The following PRMT3 variants were observed in gnomAD, a reference collection of about 807,000 sequenced individuals.
PRMT3 encodes protein arginine methyltransferase 3, also known as protein arginine N-methyltransferase 3.
A neutral mutation model predicts 71.9 loss-of-function variants in PRMT3; 62 were observed. That is an observed-to-expected ratio of 0.86 (90% CI 0.70 to 1.07). The LOEUF (loss-of-function observed/expected upper bound fraction) is 1.07. Among genes scored for constraint, PRMT3 ranks in the 50% least tolerant of loss-of-function variants. The probability of loss-of-function intolerance (pLI) is 0.00; values close to 1 mark genes in which losing one functional copy is unlikely to be tolerated. For synonymous variants in PRMT3, 213 were observed against 220.4 expected (o/e 0.97, Z 0.30); for missense variants, 663 against 643.0 (o/e 1.03, Z -0.34).
At chr11:20,417,333 A>G (rs944644995) in intron 9 of PRMT3, among the ~76,000 whole-genome samples, 4 of 152,192 alleles carry the variant, frequency 2.6e-5, no homozygotes, top group African/African-American at 9.6e-5. Flanking sequence ...TGAATAGTAT[A>G]TATTGTATCT....
chr11:20,464,660 G>C, intron 13 of PRMT3, 114 bp downstream of exon 13: 1 of 1,470,228 alleles, frequency 6.8e-7, no homozygotes, highest in Non-Finnish European at 9.0e-7. Context: ...GCCTCTGACA[G>C]TCTACCATTG....
intron 13 of PRMT3, among the ~76,000 whole-genome samples, chr11:20,484,040 C>T (rs1487999270): frequency 2.0e-5 from 3 of 152,304 alleles, no homozygotes; most frequent in African/African-American, 7.2e-5. Context: ...TATCATTTAA[C>T]AAATAGTTTA....
intron 7 of PRMT3, among the ~76,000 whole-genome samples, chr11:20,401,333 G>A (rs565966980): frequency 1.3e-4 from 20 of 151,804 alleles, no homozygotes; most frequent in South Asian, 1.3e-3. Context: ...TGTATGAAAC[G>A]GTATGCTTTG....
chr11:20,473,178 C>T (rs1850693042), intron 13 of PRMT3, among the ~76,000 whole-genome samples: 2 of 152,004 alleles, frequency 1.3e-5, no homozygotes, highest in South Asian at 4.1e-4. Flanking sequence ...TTCAAAAAAA[C>T]AGCTCCTGGA....
intron 10 of PRMT3, among the ~76,000 whole-genome samples, chr11:20,441,788 G>GGT (rs1849910030): frequency 8.4e-6 from 1 of 118,534 alleles, no homozygotes; most frequent in Admixed American, 9.1e-5. Context: ...ATAGTTTCAG[G>GGT]TTTTTTTTTT....
chr11:20,495,445 G>T (rs985185682), intron 15 of PRMT3, among the ~76,000 whole-genome samples: 15 of 152,234 alleles, frequency 9.9e-5, no homozygotes, highest in Admixed American at 7.8e-4. Context: ...AGGCTTGCTT[G>T]AGTCTGCAGG....
chr11:20,417,457 T>G (rs1005643274), intron 9 of PRMT3, among the ~76,000 whole-genome samples: 6 of 152,202 alleles, frequency 3.9e-5, no homozygotes, highest in Non-Finnish European at 8.8e-5. Flanking sequence ...GATTAGGTGT[T>G]CATTGTATGA....
intron 11 of PRMT3, among the ~76,000 whole-genome samples, chr11:20,459,692 T>C (rs544966169): frequency 1.2e-4 from 19 of 152,322 alleles, no homozygotes; most frequent in African/African-American, 4.3e-4. Context: ...AATTATTCAG[T>C]CCAACAAAGG....
At chr11:20,424,000 C>T (rs1450121634) in intron 9 of PRMT3, among the ~76,000 whole-genome samples, 3 of 150,512 alleles carry the variant, frequency 2.0e-5, no homozygotes, top group Non-Finnish European at 2.9e-5. Flanking sequence ...CTGGCTAACA[C>T]GGTGAAACCC....
intron 13 of PRMT3, among the ~76,000 whole-genome samples, chr11:20,477,240 G>T (rs186381649): frequency 8.2e-4 from 125 of 152,252 alleles, no homozygotes; most frequent in Admixed American, 1.2e-3. Context: ...TTAGGATTTG[G>T]CATGAGTTGA....
chr11:20,403,892 G>A (rs1410661298), intron 8 of PRMT3, among the ~76,000 whole-genome samples: 2 of 152,026 alleles, frequency 1.3e-5, no homozygotes, highest in Non-Finnish European at 2.9e-5. Flanking sequence ...AACAACTTTT[G>A]TGTTTTAAAA....
intron 11 of PRMT3, 46 bp from the exon 12 acceptor site, chr11:20,461,934 A>G (rs900021838): frequency 7.0e-7 from 1 of 1,419,608 alleles, no homozygotes; most frequent in Non-Finnish European, 9.4e-7. Context: ...ATATTCCATA[A>G]GAAAGGGAGA....
At chr11:20,433,056 T>C (rs1849687790) in intron 10 of PRMT3, among the ~76,000 whole-genome samples, 1 of 152,210 alleles carries the variant, frequency 6.6e-6, no homozygotes. Context: ...TAGTGGCTTT[T>C]TTTTTCTTTC....
chr11:20,474,066 T>C (rs1483114195), intron 13 of PRMT3, among the ~76,000 whole-genome samples: 7 of 152,122 alleles, frequency 4.6e-5, no homozygotes, highest in Admixed American at 4.6e-4. Context: ...CTCTGGAAGC[T>C]CCATCCCTGC....
Position 20,493,938 on chromosome 11 carries a change from A to G in PRMT3, c.1367A>G (p.Asp456Gly), listed in dbSNP as rs1851271409. The change falls in exon 14 of 16, where the codon GAT (aspartate) becomes GGT (glycine). Residue 456 changes from aspartate to glycine, a missense_variant. Coordinates refer to ENST00000331079, the MANE Select transcript of PRMT3 (RefSeq NM_005788.4). ...AAACAGGCAATTGCTGGCTACTTTG[A>G]TATATATTTTGAGAAGAATTGCCAC... Reference protein sequence around the residue: ...SMCTAIAGYFDIYFEKNCHNR... With the variant: ...SMCTAIAGYFGIYFEKNCHNR... 1 of 1,589,720 alleles carries G rather than the reference A, an allele frequency of 6.3e-7. No homozygotes were observed. Among genetic ancestry groups the G allele is most frequent in the African/African-American group, 1.3e-5 (1 of 74,252 alleles).
chr11:20,464,388 T>G, intron 12 of PRMT3, 72 bp from the exon 13 acceptor site: 1 of 1,502,534 alleles, frequency 6.7e-7, no homozygotes, highest in Non-Finnish European at 8.9e-7. Flanking sequence ...GGGTTGTTTT[T>G]GTTTTATTTT....
intron 15 of PRMT3, 105 bp downstream of exon 15, chr11:20,494,359 G>A: frequency 9.8e-7 from 1 of 1,015,368 alleles, no homozygotes; most frequent in Non-Finnish European, 1.5e-6. Context: ...TGTTTTTTGA[G>A]ACGGAGTCTC....
At chr11:20,388,550 A>T (rs1229209391) in intron 2 of PRMT3, among the ~76,000 whole-genome samples, 1 of 152,222 alleles carries the variant, frequency 6.6e-6, no homozygotes, top group African/African-American at 2.4e-5. Flanking sequence ...ACTACTAACG[A>T]GTAACATATT....
chr11:20,497,046 G>A (rs529861269), intron 15 of PRMT3, among the ~76,000 whole-genome samples: 5 of 152,182 alleles, frequency 3.3e-5, no homozygotes, highest in African/African-American at 4.8e-5. Flanking sequence ...TGAAAATGTT[G>A]CTTTTTTTTC....
Sources: gnomAD v4.1 joint callset for allele counts (sites outside exome capture counted in the v4.1 genomes callset) on GRCh38, gnomAD v4.1.1 for gene constraint, MANE v1.5 for transcripts, NCBI Gene and HGNC (gene_info 2026-07-23, HGNC 2026-07-21) for gene names.